Variants in SPAST observed in about 807,000 individuals in gnomAD.
SPAST encodes spastic paraplegia 4 (autosomal dominant; spastin).
A neutral mutation model predicts 76.6 loss-of-function variants in SPAST; 30 were observed. That is an observed-to-expected ratio of 0.39 (90% CI 0.29 to 0.53). SPAST has a LOEUF of 0.53. SPAST is among the 20% of genes least tolerant of loss of function. SPAST has a pLI of 0.68. For synonymous variants in SPAST, 305 were observed against 281.0 expected (o/e 1.09, Z -0.86); for missense variants, 717 against 770.5 (o/e 0.93, Z 0.82).
intron 4 of SPAST, among the ~76,000 whole-genome samples, chr2:32,110,270 C>T (rs745614330): frequency 1.5e-4 from 23 of 149,190 alleles, no homozygotes; most frequent in Non-Finnish European, 1.8e-4. Context: ...AGGCACGTGG[C>T]ACCACGCCAG....
intron 1 of SPAST, among the ~76,000 whole-genome samples, chr2:32,072,930 C>T (rs1676810572): frequency 6.6e-6 from 1 of 152,150 alleles, no homozygotes; most frequent in African/African-American, 2.4e-5. Flanking sequence ...TCAGATGATA[C>T]CATACTTTTC....
chr2:32,096,173 G>A (rs1481040495), intron 3 of SPAST, among the ~76,000 whole-genome samples: 2 of 152,178 alleles, frequency 1.3e-5, no homozygotes, highest in Non-Finnish European at 2.9e-5. Flanking sequence ...GGTGGCTCAC[G>A]CCTGTAATCC....
At chr2:32,110,551 C>CTATATAGTGTGTATATATAGTATA (rs1558319733) in intron 4 of SPAST, among the ~76,000 whole-genome samples, 80 of 54,166 alleles carry the variant, frequency 1.5e-3, no homozygotes, top group African/African-American at 5.5e-3. Context: ...TATATATATA[C>CTATATAGTGTGTATATATAGTATA]TATATAGTGT....
intron 1 of SPAST, among the ~76,000 whole-genome samples, chr2:32,082,629 G>T (rs185827694): frequency 6.6e-6 from 1 of 151,978 alleles, no homozygotes; most frequent in African/African-American, 2.4e-5. Context: ...CTGTGAGGCG[G>T]AGGTTCCAGG....
At position 32,077,194 on chromosome 2, in the gene SPAST, T is replaced by C. The variant is rs549957692; in HGVS notation, c.416-10298T>C. Among the ~76,000 whole-genome samples, 4 of 152,230 alleles carry C rather than the reference T, an allele frequency of 2.6e-5. No individual in the cohort carries two copies. The East Asian group carries it at 7.7e-4, about 29-fold the overall frequency. ...CGGCTTTAATTGAGATTTTTAGATA[T>C]CTATTACTCTGCTAATTTTGTCACT... On this transcript the variant is annotated intron_variant, in intron 1 of 16. Coordinates refer to ENST00000315285, the MANE Select transcript of SPAST (RefSeq NM_014946.4).
At chr2:32,148,909 G>A (rs1260642291) in intron 16 of SPAST, among the ~76,000 whole-genome samples, 2 of 151,006 alleles carry the variant, frequency 1.3e-5, no homozygotes, top group African/African-American at 2.4e-5. Flanking sequence ...GGGAGGCAGA[G>A]GTTGCAGTGA....
At chr2:32,074,844 G>A (rs887879190) in intron 1 of SPAST, among the ~76,000 whole-genome samples, 2 of 151,944 alleles carry the variant, frequency 1.3e-5, no homozygotes, top group African/African-American at 2.4e-5. Context: ...TACCCTTTTC[G>A]AACTGTGGGG....
At position 32,098,908 on chromosome 2, in the gene SPAST, T is replaced by A. The variant is rs781513730; in HGVS notation, c.682+17T>A. ...TCCAGTCAGGTGGGTTTAGGTTAAC[T>A]AACATAAAATAATAAAGCTTGCATG... On this transcript the variant is annotated intron_variant, in intron 4 of 16. Transcript: ENST00000315285. 2 of 1,489,472 alleles carry A rather than the reference T, an allele frequency of 1.3e-6. No individual in the cohort carries two copies. The highest frequency in any genetic ancestry group is 2.3e-5 in the South Asian group (2 of 88,576). The allele number at this position is 1,489,472 out of a possible 1,614,324, so 92.3% of individuals were successfully genotyped here.
intron 8 of SPAST, 82 bp from the exon 9 acceptor site, chr2:32,128,326 A>G: frequency 9.9e-7 from 1 of 1,014,666 alleles, no homozygotes; most frequent in Non-Finnish European, 1.5e-6. Context: ...AATCTTTTCT[A>G]GTACTTAAAT....
chr2:32,093,073 GAGC>G (rs1335809137), intron 3 of SPAST, among the ~76,000 whole-genome samples: 1 of 150,812 alleles, frequency 6.6e-6, no homozygotes, highest in Non-Finnish European at 1.5e-5. Flanking sequence ...AGACTGAGGC[GAGC>G]AGATCACTTG....
At position 32,089,618 on chromosome 2, in the gene SPAST, G is replaced by C; in HGVS notation, c.586+13G>C. On this transcript the variant is annotated intron_variant, in intron 3 of 16. Transcript: ENST00000315285. Reference sequence around the variant, plus strand: ...TTACAACTTCTAGGTATCAATTAATGTATAATTTGATGTGGGATGTATTGG... The same window carrying C: ...TTACAACTTCTAGGTATCAATTAATCTATAATTTGATGTGGGATGTATTGG... The C allele has an allele frequency of 7.3e-7, 1 of 1,373,524 alleles. No individual in the cohort carries two copies. Among genetic ancestry groups the C allele is most frequent in the Non-Finnish European group, 1.0e-6 (1 of 960,414 alleles). The allele number at this position is 1,373,524 out of a possible 1,614,324, so 85.1% of individuals were successfully genotyped here. A position where few individuals can be genotyped will look rare whatever the true frequency, so the allele number is the denominator to read the frequency against.
In SPAST at chr2:32,084,306, G is replaced by A. The variant is rs547796717; in HGVS notation, c.416-3186G>A. Among the ~76,000 whole-genome samples the A allele has an allele frequency of 1.3e-4, 19 of 150,884 alleles. 1 individual carries two copies. The South Asian group carries it at 3.6e-3, about 28-fold the overall frequency. ...CTCCGGAGTAGCTGGGACTACAGGC[G>A]CCCGCCACCATGCCTGGCTAATTTG... On this transcript the variant is annotated intron_variant, in intron 1 of 16. Transcript: ENST00000315285.
chr2:32,126,755 G>A, intron 7 of SPAST, 193 bp from the exon 8 acceptor site: 1 of 543,878 alleles, frequency 1.8e-6, no homozygotes, highest in South Asian at 2.3e-5. Flanking sequence ...CTAAAGTCTG[G>A]GATTACAGGT....
intron 3 of SPAST, among the ~76,000 whole-genome samples, chr2:32,092,990 G>A (rs1270350225): frequency 2.2e-5 from 3 of 139,326 alleles, no homozygotes. Context: ...CTGGGTGACA[G>A]AGAGAGACTC....
intron 1 of SPAST, among the ~76,000 whole-genome samples, chr2:32,079,380 G>A (rs531194538): frequency 2.0e-5 from 3 of 151,590 alleles, no homozygotes; most frequent in South Asian, 4.2e-4. Context: ...GTGTGGTGGT[G>A]CACACCTGTG....
intron 9 of SPAST, among the ~76,000 whole-genome samples, chr2:32,134,280 A>G (rs1422898924): frequency 6.6e-6 from 1 of 152,130 alleles, no homozygotes; most frequent in Non-Finnish European, 1.5e-5. Flanking sequence ...AGGCAGGCGA[A>G]TCACAAGGTC....
chr2:32,066,878 G>A (rs1458727202), intron 1 of SPAST, among the ~76,000 whole-genome samples: 5 of 146,054 alleles, frequency 3.4e-5, no homozygotes, highest in African/African-American at 5.1e-5. Context: ...GGGGGCTGAG[G>A]TAGGAGGATC....
At chr2:32,075,150 T>TGGTG (rs1676902149) in intron 1 of SPAST, among the ~76,000 whole-genome samples, 1 of 151,770 alleles carries the variant, frequency 6.6e-6, no homozygotes, top group Non-Finnish European at 1.5e-5. Context: ...AGGCCGGGCG[T>TGGTG]GGTGGCTCAC....
chr2:32,135,001 C>T (rs1027714429), intron 9 of SPAST, among the ~76,000 whole-genome samples: 5 of 151,464 alleles, frequency 3.3e-5, no homozygotes, highest in Admixed American at 1.3e-4. Flanking sequence ...CGGCCTCTAG[C>T]GTAACTTTTA....
Sources: gnomAD v4.1 joint callset for allele counts (sites outside exome capture counted in the v4.1 genomes callset) on GRCh38, gnomAD v4.1.1 for gene constraint, MANE v1.5 for transcripts, NCBI Gene and HGNC (gene_info 2026-07-23, HGNC 2026-07-21) for gene names.